The following GNAS-AS1 variants were observed in gnomAD, a reference collection of about 807,000 sequenced individuals.
The protein encoded by GNAS-AS1 is GNAS antisense RNA 1 (non-protein coding).
At chr20:58,823,403 C>T (rs958467397) in intron 4 of GNAS-AS1, among the ~76,000 whole-genome samples, 1 of 152,204 alleles carries the variant, frequency 6.6e-6, no homozygotes, top group African/African-American at 2.4e-5. Flanking sequence ...CCTGCCCCTA[C>T]AAGGAGAAGG....
chr20:58,840,146 C>T lies in GNAS-AS1; in HGVS notation n.819+1791G>A. The T allele has an allele frequency of 1.2e-6, 2 of 1,611,658 alleles. No homozygotes were observed. Among genetic ancestry groups the T allele is most frequent in the Non-Finnish European group, 8.5e-7 (1 of 1,179,986 alleles). On this transcript the variant is annotated intron_variant and non_coding_transcript_variant, in intron 4 of 4. Coordinates refer to ENST00000424094, the Ensembl canonical transcript of GNAS-AS1. The surrounding 1 kb of genome is among the most constrained non-coding windows in gnomAD (Gnocchi z 6.0). ...CCGGGCTCAGCAGTGGCGCCGAGCT[C>T]GCCATAATTACAACGACCTGTGCCC...
At position 58,840,719 on chromosome 20, in the gene GNAS-AS1, G is replaced by A. The variant is rs764608006; in HGVS notation, n.819+1218C>T. Reference sequence around the variant, plus strand: ...CGAGGACAAAGATCCAAGGGACCCCGAAGAGTCGAAGGAGCCCAAGGAGGA... The same window carrying A: ...CGAGGACAAAGATCCAAGGGACCCCAAAGAGTCGAAGGAGCCCAAGGAGGA... On this transcript the variant is annotated intron_variant and non_coding_transcript_variant, in intron 4 of 4. Transcript: ENST00000424094. The surrounding 1 kb of genome is among the most constrained non-coding windows in gnomAD (Gnocchi z 6.0). The A allele has an allele frequency of 1.2e-6, 2 of 1,603,834 alleles. No homozygotes were observed. Among genetic ancestry groups the A allele is most frequent in the East Asian group, 4.5e-5 (2 of 44,820 alleles).
chr20:58,842,275 T>A (rs1167195017), intron 3 of GNAS-AS1: 1 of 397,948 alleles, frequency 2.5e-6, no homozygotes, highest in Non-Finnish European at 4.4e-6. Flanking sequence ...ACTTGGAAAT[T>A]GATTTTTTTT....
Position 58,825,946 on chromosome 20 carries a change from T to A in GNAS-AS1, n.820-6691A>T. 7.6e-6 allele frequency: 3 copies of A among 396,978 alleles called. No individual in the cohort carries two copies. In the Admixed American group the frequency reaches 1.3e-4, roughly 18 times the overall value. 24.6% of individuals were successfully genotyped at this position (396,978 alleles called of 1,614,324 possible). On this transcript the variant is annotated intron_variant and non_coding_transcript_variant, in intron 4 of 4. Coordinates refer to ENST00000424094, the Ensembl canonical transcript of GNAS-AS1. ...CGACAACTGGTGGCCACAGGCCTTG[T>A]GTCTCTCAATCAGCAGCCCCAAGAA...
At chr20:58,844,112 T>C (rs2085848813) in intron 2 of GNAS-AS1, 2 of 152,194 alleles carry the variant, frequency 1.3e-5, no homozygotes, top group East Asian at 1.9e-4. Context: ...ATAATCTACA[T>C]GGATTTACCT....
In GNAS-AS1 at chr20:58,840,341, T is replaced by TC; in HGVS notation, n.819+1595dup. On this transcript the variant is annotated intron_variant and non_coding_transcript_variant, in intron 4 of 4. Coordinates refer to ENST00000424094, the Ensembl canonical transcript of GNAS-AS1. This position sits in a 1 kb window ranked among gnomAD's most constrained non-coding sequence, Gnocchi z 6.0. ...CTCCGGCGCCCAGGTATTCCCTGAG[T>TC]CCCCCGAATCGGAATCTGACCACGA... is the stretch of plus-strand genomic sequence containing the variant. 1 of 1,612,722 alleles carries TC rather than the reference T, an allele frequency of 6.2e-7. No homozygotes were observed. The highest frequency in any genetic ancestry group is 8.5e-7 in the Non-Finnish European group (1 of 1,179,884).
chr20:58,825,064 C>T (rs556046273), intron 4 of GNAS-AS1, among the ~76,000 whole-genome samples: 4 of 152,328 alleles, frequency 2.6e-5, no homozygotes, highest in African/African-American at 9.6e-5. Flanking sequence ...AACATAAACA[C>T]GTGAAGTGGG....
intron 4 of GNAS-AS1, among the ~76,000 whole-genome samples, chr20:58,836,776 A>G (rs1327145330): frequency 6.6e-6 from 1 of 152,192 alleles, no homozygotes; most frequent in African/African-American, 2.4e-5. Flanking sequence ...ATCTCAGTGC[A>G]GTCCCCCACT....
chr20:58,844,579 A>T (rs2085869412), intron 2 of GNAS-AS1, among the ~76,000 whole-genome samples: 1 of 152,152 alleles, frequency 6.6e-6, no homozygotes, highest in Admixed American at 6.5e-5. Context: ...TTCTTCTAAA[A>T]TGAGATCGCT....
intron 4 of GNAS-AS1, among the ~76,000 whole-genome samples, chr20:58,833,000 G>A (rs901522443): frequency 1.3e-5 from 2 of 152,244 alleles, no homozygotes; most frequent in Non-Finnish European, 2.9e-5. Flanking sequence ...TCCTGTCCCA[G>A]AGGCTCTTTT....
rs373276011 is a variant in GNAS-AS1, at chr20:58,840,415, C to A, written n.819+1522G>T. The A allele has an allele frequency of 1.2e-6, 2 of 1,613,524 alleles. No homozygotes were observed. Among genetic ancestry groups the A allele is most frequent in the East Asian group, 4.5e-5 (2 of 44,858 alleles). On this transcript the variant is annotated intron_variant and non_coding_transcript_variant, in intron 4 of 4. Transcript: ENST00000424094. This position sits in a 1 kb window ranked among gnomAD's most constrained non-coding sequence, Gnocchi z 6.0. Reference sequence around the variant, plus strand: ...TGTCCCTCCCCGAGTGCCTAGAGTACGAGGAAGAGTTCGACTACGAGACCG... The same window carrying A: ...TGTCCCTCCCCGAGTGCCTAGAGTAAGAGGAAGAGTTCGACTACGAGACCG...
intron 2 of GNAS-AS1, among the ~76,000 whole-genome samples, chr20:58,842,722 G>A (rs942851851): frequency 6.6e-6 from 1 of 152,198 alleles, no homozygotes; most frequent in Non-Finnish European, 1.5e-5. Context: ...GTGACATTAA[G>A]TGTTCAGTTT....
chr20:58,837,581 T>C (rs774164978), intron 4 of GNAS-AS1, among the ~76,000 whole-genome samples: 5 of 152,238 alleles, frequency 3.3e-5, no homozygotes, highest in Non-Finnish European at 7.3e-5. Flanking sequence ...TAGCTGGAAC[T>C]ACAAGCGTGC....
chr20:58,828,783 T>A (rs1478324262), intron 4 of GNAS-AS1, among the ~76,000 whole-genome samples: 1 of 152,242 alleles, frequency 6.6e-6, no homozygotes, highest in Non-Finnish European at 1.5e-5. Context: ...TAAAGGCACC[T>A]TGTTCTCAAC....
intron 4 of GNAS-AS1, among the ~76,000 whole-genome samples, chr20:58,833,138 A>G (rs536924768): frequency 1.3e-5 from 2 of 152,278 alleles, no homozygotes; most frequent in South Asian, 4.1e-4. Context: ...CCTCCACTTA[A>G]GTCAAATCTC....
chr20:58,831,258 C>A lies in GNAS-AS1; in HGVS notation n.819+10679G>T, dbSNP rs943741858. 2.0e-5 allele frequency among the ~76,000 whole-genome samples: 3 copies of A among 152,090 alleles called. No individual in the cohort carries two copies. In the East Asian group the frequency reaches 5.8e-4, roughly 29 times the overall value. ...GAACAGTGGCATAAGCCACTGTGCC[C>A]GGCCAGACCACGCTAATATTTCAAA... On this transcript the variant is annotated intron_variant and non_coding_transcript_variant, in intron 4 of 4. Transcript: ENST00000424094.
At chr20:58,828,175 C>A (rs550978556) in intron 4 of GNAS-AS1, among the ~76,000 whole-genome samples, 1 of 152,360 alleles carries the variant, frequency 6.6e-6, no homozygotes, top group South Asian at 2.1e-4. Flanking sequence ...CCCTTCCCGG[C>A]TGCCATGTGG....
At chr20:58,830,257 G>GTCACCACCACCA (rs2085547571) in intron 4 of GNAS-AS1, among the ~76,000 whole-genome samples, 1 of 61,718 alleles carries the variant, frequency 1.6e-5, no homozygotes, top group Non-Finnish European at 3.2e-5. Flanking sequence ...CACCATCAAC[G>GTCACCACCACCA]CCACACCATC....
intron 4 of GNAS-AS1, chr20:58,819,366 G>A (rs1041531828): frequency 1.8e-5 from 7 of 397,486 alleles, no homozygotes; most frequent in South Asian, 1.4e-4. Flanking sequence ...GATCGCCTGC[G>A]GTCACACTCC....
Sources: gnomAD v4.1 joint callset for allele counts (sites outside exome capture counted in the v4.1 genomes callset) on GRCh38, gnomAD v4.1.1 for gene constraint, Gnocchi (gnomAD v3.1) non-coding constraint, MANE v1.5 for transcripts, NCBI Gene and HGNC (gene_info 2026-07-23, HGNC 2026-07-21) for gene names.